Variants in GAK observed in about 807,000 individuals in gnomAD.
GAK encodes cyclin-G-associated kinase.
A neutral mutation model predicts 143.9 loss-of-function variants in GAK; 79 were observed. The ratio of observed to expected loss-of-function variants is 0.55; its 90% CI spans 0.46 to 0.66. The LOEUF is 0.66. Ranked by LOEUF, GAK falls within the 30% of genes least tolerant of loss-of-function variation. The pLI, the probability that GAK is intolerant of heterozygous loss-of-function variation, is 0.00. For missense variants in GAK, 1,693 were observed against 1,779.7 expected, an observed-to-expected ratio of 0.95 and a Z score of 0.88; for synonymous variants, 881 against 765.5, an observed-to-expected ratio of 1.15 and a Z score of -2.49.
intron 11 of GAK, among the ~76,000 whole-genome samples, chr4:885,091 C>T (rs1349362065): frequency 2.6e-5 from 4 of 151,970 alleles, no homozygotes; most frequent in South Asian, 2.1e-4. Context: ...GCGGGTCTTC[C>T]GTGCGTTCAA....
chr4:899,924 C>T (rs3775119), intron 5 of GAK, among the ~76,000 whole-genome samples: 18,578 of 152,296 alleles, frequency 0.12, 1,466 homozygotes, highest in East Asian at 0.29. Flanking sequence ...CACTGGCCCC[C>T]GAGGAGATGC....
At chr4:904,091 C>A (rs1162728192) in intron 5 of GAK, among the ~76,000 whole-genome samples, 1 of 152,290 alleles carries the variant, frequency 6.6e-6, no homozygotes, top group Admixed American at 6.5e-5. Flanking sequence ...GGGAGCCCCC[C>A]ACAGAGGCTG....
intron 23 of GAK, among the ~76,000 whole-genome samples, chr4:864,804 G>A (rs192057393): frequency 4.6e-5 from 7 of 152,346 alleles, no homozygotes; most frequent in Non-Finnish European, 7.4e-5. Context: ...ACAGAGTGTG[G>A]GGCATGAAAT....
intron 1 of GAK, among the ~76,000 whole-genome samples, chr4:925,637 C>G (rs1158312774): frequency 1.3e-5 from 2 of 152,178 alleles, no homozygotes; most frequent in East Asian, 3.9e-4. Context: ...GAGGTGGGGC[C>G]TCCTTGGGGG....
chr4:926,392 G>A (rs1560449927), intron 1 of GAK, among the ~76,000 whole-genome samples: 1 of 152,140 alleles, frequency 6.6e-6, no homozygotes, highest in Non-Finnish European at 1.5e-5. Context: ...GCAGAGCAAC[G>A]GGGGCCAGGA....
Position 867,173 on chromosome 4 carries a change from G to C in GAK, c.2655C>G (p.Gly885=), listed in dbSNP as rs1751349679. 3 of 1,607,644 alleles carry C rather than the reference G, an allele frequency of 1.9e-6. No individual in the cohort carries two copies. Among genetic ancestry groups the C allele is most frequent in the Non-Finnish European group, 2.5e-6 (3 of 1,176,606 alleles). ...GCCCTGCGCCCACCTCGGAGTGCAG[G>C]CCCAGGAGGTCGACCCCGTCTTCCT... ...VPQEDGVDLL[G]LHSEVGAGPA... Residue 885 remains glycine, a synonymous_variant, in exon 21 of 28, where the codon GGC becomes GGG. Transcript: ENST00000314167.
At chr4:877,004 G>A (rs1714060142) in intron 17 of GAK, 86 bp downstream of exon 17, 3 of 915,254 alleles carry the variant, frequency 3.3e-6, no homozygotes, top group Admixed American at 4.2e-5. Flanking sequence ...TGGACCCTCG[G>A]TGAGAAGTGA....
chr4:856,530 A>G (rs1560281437), intron 24 of GAK, among the ~76,000 whole-genome samples: 1 of 141,046 alleles, frequency 7.1e-6, no homozygotes, highest in Non-Finnish European at 1.5e-5. Flanking sequence ...CCTGCTCACC[A>G]CCACAGCTGC....
intron 4 of GAK, among the ~76,000 whole-genome samples, chr4:909,920 G>A (rs1004929081): frequency 2.0e-5 from 3 of 152,120 alleles, no homozygotes; most frequent in Admixed American, 6.5e-5. Context: ...TCAGCCTGCA[G>A]GCGGCTCTGA....
chr4:880,192 T>G lies in GAK; in HGVS notation c.1661+1715A>C, dbSNP rs1165320130. Reference sequence around the variant, plus strand: ...ATGCACCCTGCATGAGGGTCCTCTCTCCACAGCTCTGACGAACGCCCCACT... The same window carrying G: ...ATGCACCCTGCATGAGGGTCCTCTCGCCACAGCTCTGACGAACGCCCCACT... On this transcript the variant is annotated intron_variant, in intron 15 of 27. Transcript: ENST00000314167. Among the ~76,000 whole-genome samples the G allele has an allele frequency of 2.7e-5, 4 of 150,910 alleles. No homozygotes were observed. In the East Asian group the frequency reaches 5.9e-4, roughly 22 times the overall value.
At position 882,739 on chromosome 4, in the gene GAK, C is replaced by A. The variant is rs1414380372; in HGVS notation, c.1485G>T (p.Trp495Cys). ...AGACGTTCTTGTGGTCCTGCCGCAG[C>A]CAGGCGTGCATGTTCCTGCAGATGT... Reference protein sequence around the residue: ...LYNICRNMHAWLRQDHKNVCV... With the variant: ...LYNICRNMHACLRQDHKNVCV... Residue 495 changes from tryptophan to cysteine, a missense_variant, in exon 14 of 28, where the codon TGG becomes TGT. Physicochemically the swap from Trp to Cys is radical, Grantham distance 215. Transcript: ENST00000314167. The A allele has an allele frequency of 1.2e-6, 2 of 1,612,746 alleles. No homozygotes were observed. Among genetic ancestry groups the A allele is most frequent in the Non-Finnish European group, 8.5e-7 (1 of 1,179,976 alleles).
At chr4:859,012 C>T (rs1749785464) in intron 24 of GAK, among the ~76,000 whole-genome samples, 1 of 152,260 alleles carries the variant, frequency 6.6e-6, no homozygotes, top group South Asian at 2.1e-4. Flanking sequence ...GATCATCCCC[C>T]CGCCGCCGAC....
In GAK at chr4:859,696, G is replaced by C. The variant is rs1749939527; in HGVS notation, c.3193C>G (p.Pro1065Ala). 1 of 1,598,404 alleles carries C rather than the reference G, an allele frequency of 6.3e-7. No homozygotes were observed. ...EGPLFSPGGQ[P>A]APCGSQASWT... ...CTGGCCTGAGAGCCACAAGGGGCCG[G>C]CTGACCTCCAGGAGAGAAGAGGGGG... is the stretch of plus-strand genomic sequence containing the variant. The change falls in exon 24 of 28, where the codon CCG becomes GCG. Residue 1065 changes from proline to alanine, a missense_variant. This residue lies in a region of GAK where 822 missense variants were observed against 788.7 expected (regional missense o/e 1.04). Coordinates refer to ENST00000314167, the MANE Select transcript of GAK (RefSeq NM_005255.4).
intron 24 of GAK, among the ~76,000 whole-genome samples, chr4:858,898 G>A (rs991784633): frequency 6.6e-6 from 1 of 152,236 alleles, no homozygotes. Flanking sequence ...GCATGCTGGA[G>A]CGTCCGGGGG....
chr4:878,267 T>G (rs1040277726), intron 15 of GAK, among the ~76,000 whole-genome samples: 6 of 152,152 alleles, frequency 3.9e-5, no homozygotes, highest in Non-Finnish European at 8.8e-5. Flanking sequence ...TGTGCACCTG[T>G]AATCCCAGCT....
At chr4:928,536 G>A (rs1212278535) in intron 1 of GAK, among the ~76,000 whole-genome samples, 1 of 152,208 alleles carries the variant, frequency 6.6e-6, no homozygotes, top group Non-Finnish European at 1.5e-5. Flanking sequence ...TTCAATAAAA[G>A]AAAATGATCT....
intron 11 of GAK, chr4:887,213 A>ACATGCACGCGGCTCACGCGCACT (rs1716566282): frequency 2.2e-5 from 3 of 134,994 alleles, no homozygotes; most frequent in African/African-American, 5.4e-5. Flanking sequence ...TCACGCGTAC[A>ACATGCACGCGGCTCACGCGCACT]CATGCACGCG....
chr4:912,172 G>C (rs1361000889), intron 3 of GAK: 2 of 458,074 alleles, frequency 4.4e-6, no homozygotes, highest in Non-Finnish European at 4.4e-6. Flanking sequence ...CGAGTGAACA[G>C]AGCTAGGAGA....
Position 849,512 on chromosome 4 carries a change from CT to C in GAK, c.*160del. 1 of 603,616 alleles carries C rather than the reference CT, an allele frequency of 1.7e-6. No homozygotes were observed. Among genetic ancestry groups the C allele is most frequent in the Non-Finnish European group, 3.0e-6 (1 of 331,084 alleles). 37.4% of individuals were successfully genotyped at this position (603,616 alleles called of 1,614,324 possible). A position where few individuals can be genotyped will look rare whatever the true frequency, so the allele number is the denominator to read the frequency against. On this transcript the variant is annotated 3_prime_UTR_variant, in exon 28 of 28. Coordinates refer to ENST00000314167, the MANE Select transcript of GAK (RefSeq NM_005255.4). ...ACAATCAGAGGCTTTGGAATGCTTT[CT>C]CTTCATGTGCCTGGAACGCTGGGCG...
Sources: gnomAD v4.1 joint callset for allele counts (sites outside exome capture counted in the v4.1 genomes callset) on GRCh38, gnomAD v4.1.1 for gene constraint, gnomAD v4.1.1 regional missense constraint, MANE v1.5 for transcripts, NCBI Gene and HGNC (gene_info 2026-07-23, HGNC 2026-07-21) for gene names.